HDAC9: variants seen among roughly 807,000 people sequenced by gnomAD.
HDAC9 encodes the protein histone deacetylase 9, also known as MEF-2 interacting transcription repressor (MITR) protein.
In HDAC9, 41 loss-of-function variants were observed where a neutral mutation model predicts 139.4. That is an observed-to-expected ratio of 0.29 (90% CI 0.23 to 0.38). The LOEUF (loss-of-function observed/expected upper bound fraction) is 0.38. Among genes scored for constraint, HDAC9 ranks in the 10% least tolerant of loss-of-function variants. The probability of loss-of-function intolerance (pLI) is 1.00; values close to 1 mark genes in which losing one functional copy is unlikely to be tolerated. For missense variants in HDAC9, 1,147 were observed against 1,297.0 expected (o/e 0.88, Z 1.78); for synonymous variants, 517 against 476.2 (o/e 1.09, Z -1.12).
intron 17 of HDAC9, among the ~76,000 whole-genome samples, chr7:18,806,784 T>C (rs2129186874): frequency 6.6e-6 from 1 of 152,340 alleles, no homozygotes; most frequent in South Asian, 2.1e-4. Flanking sequence ...ATCACGTTTA[T>C]TGAATTGCAT....
At chr7:18,396,487 TC>T (rs35849642) in intron 1 of HDAC9, among the ~76,000 whole-genome samples, 3 of 151,952 alleles carry the variant, frequency 2.0e-5, no homozygotes, top group African/African-American at 7.2e-5. Flanking sequence ...GAGTTGATAT[TC>T]CCCCCTCCCC....
At position 18,588,028 on chromosome 7, in the gene HDAC9, G is replaced by C. The variant is rs184754978; in HGVS notation, c.265-2308G>C. Reference sequence around the variant, plus strand: ...CATGGAATATTATTTCATTACAATGGAATAATAACACCCATTAAGGGAGTG... The same window carrying C: ...CATGGAATATTATTTCATTACAATGCAATAATAACACCCATTAAGGGAGTG... On this transcript the variant is annotated intron_variant, in intron 3 of 25. Coordinates refer to ENST00000686413, the MANE Select transcript of HDAC9 (RefSeq NM_178425.4). Among the ~76,000 whole-genome samples the C allele has an allele frequency of 3.9e-5, 6 of 152,234 alleles. No homozygotes were observed. The East Asian group carries it at 1.2e-3, about 29-fold the overall frequency.
chr7:18,279,471 CT>C (rs994413055), intron 2 of HDAC9, among the ~76,000 whole-genome samples: 1 of 149,626 alleles, frequency 6.7e-6, no homozygotes, highest in African/African-American at 2.5e-5. Context: ...TTTGTATTTA[CT>C]TTTTTTTTGA....
intron 2 of HDAC9, among the ~76,000 whole-genome samples, chr7:18,265,970 C>T (rs753972930): frequency 6.6e-5 from 10 of 152,110 alleles, no homozygotes; most frequent in African/African-American, 1.9e-4. Flanking sequence ...AAAGGTTGGT[C>T]GCAATGTAGA....
intron 22 of HDAC9, among the ~76,000 whole-genome samples, chr7:18,914,356 T>G (rs575258840): frequency 6.6e-6 from 1 of 151,948 alleles, no homozygotes; most frequent in South Asian, 2.1e-4. Flanking sequence ...TTCATTCGTT[T>G]CAGGTTTTCA....
intron 2 of HDAC9, among the ~76,000 whole-genome samples, chr7:18,572,176 T>C (rs1033028189): frequency 2.0e-5 from 3 of 151,806 alleles, no homozygotes; most frequent in African/African-American, 7.2e-5. Flanking sequence ...CTACATAATA[T>C]ACTAGGTTCC....
chr7:18,483,535 G>A (rs926192092), intron 1 of HDAC9, among the ~76,000 whole-genome samples: 1 of 152,054 alleles, frequency 6.6e-6, no homozygotes, highest in Non-Finnish European at 1.5e-5. Context: ...TGGGAAAGAG[G>A]GTTTTTGGAA....
At chr7:18,349,048 T>C (rs536528290) in intron 1 of HDAC9, among the ~76,000 whole-genome samples, 1 of 152,248 alleles carries the variant, frequency 6.6e-6, no homozygotes, top group East Asian at 1.9e-4. Flanking sequence ...CCCATAACTT[T>C]AATACAGTCA....
At chr7:18,566,877 G>A (rs1242018377) in intron 2 of HDAC9, among the ~76,000 whole-genome samples, 1 of 152,204 alleles carries the variant, frequency 6.6e-6, no homozygotes, top group African/African-American at 2.4e-5. Flanking sequence ...TGTAGTGGAT[G>A]TAGTAGGTTT....
At chr7:18,827,597 G>A (rs1795549173) in intron 17 of HDAC9, among the ~76,000 whole-genome samples, 1 of 152,094 alleles carries the variant, frequency 6.6e-6, no homozygotes, top group South Asian at 2.1e-4. Flanking sequence ...TAATTAAGTT[G>A]AATTTTTTAA....
chr7:18,846,259 T>C (rs1226094256), intron 21 of HDAC9, among the ~76,000 whole-genome samples: 2 of 152,136 alleles, frequency 1.3e-5, no homozygotes, highest in African/African-American at 4.8e-5. Context: ...CTGGAAAGAA[T>C]TCATAATGTT....
At chr7:18,329,678 C>G (rs1800760057) in intron 1 of HDAC9, among the ~76,000 whole-genome samples, 2 of 151,666 alleles carry the variant, frequency 1.3e-5, no homozygotes, top group Non-Finnish European at 2.9e-5. Context: ...TCAGATTGCT[C>G]AAGAACATGG....
chr7:18,767,055 AATT>A, intron 15 of HDAC9, 48 bp from the exon 16 acceptor site: 1 of 884,932 alleles, frequency 1.1e-6, no homozygotes, highest in Non-Finnish European at 1.7e-6. Flanking sequence ...ACATTTTAAA[AATT>A]ATATAACCTC....
intron 2 of HDAC9, chr7:18,543,675 G>A (rs1438564509): frequency 6.6e-6 from 1 of 152,010 alleles, no homozygotes; most frequent in African/African-American, 2.4e-5. Flanking sequence ...GAACAAAAAG[G>A]TAAAATTTTC....
intron 17 of HDAC9, among the ~76,000 whole-genome samples, chr7:18,812,498 C>G (rs1266528180): frequency 1.3e-5 from 2 of 151,888 alleles, no homozygotes; most frequent in Non-Finnish European, 2.9e-5. Context: ...GATATATTTT[C>G]AATGTCATTT....
intron 25 of HDAC9, among the ~76,000 whole-genome samples, chr7:18,984,734 AAAGG>A (rs1344389980): frequency 4.6e-5 from 7 of 152,214 alleles, no homozygotes; most frequent in African/African-American, 1.7e-4. Flanking sequence ...GAGAGAGAAA[AAAGG>A]AAGACGTTGG....
chr7:18,316,384 T>C (rs1462748144), intron 1 of HDAC9, among the ~76,000 whole-genome samples: 1 of 152,152 alleles, frequency 6.6e-6, no homozygotes, highest in African/African-American at 2.4e-5. Context: ...TGTATAAGTA[T>C]TGAGAAATAT....
intron 22 of HDAC9, among the ~76,000 whole-genome samples, chr7:18,902,888 C>CT (rs1801861466): frequency 6.6e-6 from 1 of 152,058 alleles, no homozygotes; most frequent in Non-Finnish European, 1.5e-5. Flanking sequence ...AGTCTCGTTC[C>CT]TTTGAGTGTT....
At chr7:18,428,793 A>G (rs945349800) in intron 1 of HDAC9, among the ~76,000 whole-genome samples, 11 of 152,002 alleles carry the variant, frequency 7.2e-5, no homozygotes, top group Non-Finnish European at 1.5e-4. Context: ...GGCCCACCAG[A>G]ATCTGTGGCT....
Sources: gnomAD v4.1 joint callset for allele counts (sites outside exome capture counted in the v4.1 genomes callset) on GRCh38, gnomAD v4.1.1 for gene constraint, MANE v1.5 for transcripts, NCBI Gene and HGNC (gene_info 2026-07-23, HGNC 2026-07-21) for gene names.